PCDHA1: variants seen among roughly 807,000 people sequenced by gnomAD.
PCDHA1 encodes protocadherin alpha-1.
PCDHA1 carries 42 observed loss-of-function variants against 61.3 expected under a neutral mutation model. The observed-to-expected ratio is 0.69, with a 90% CI of 0.54 to 0.89. The LOEUF (loss-of-function observed/expected upper bound fraction) is 0.89. PCDHA1 is among the 40% of genes least tolerant of loss of function. PCDHA1 has a pLI of 0.00. For synonymous variants in PCDHA1, 610 were observed against 553.8 expected (o/e 1.10, Z -1.43); for missense variants, 1,256 against 1,235.3 (o/e 1.02, Z -0.25).
chr5:140,876,936 G>T, intron 1 of PCDHA1: 1 of 1,613,730 alleles, frequency 6.2e-7, no homozygotes, highest in South Asian at 1.1e-5. Flanking sequence ...AGAAGAACGC[G>T]CTGGTGTCCT....
chr5:140,876,560 C>T (rs2056422143), intron 1 of PCDHA1: 2 of 1,614,068 alleles, frequency 1.2e-6, no homozygotes, highest in African/African-American at 2.7e-5. Flanking sequence ...CAAGAGGATG[C>T]TCAGGTGGGT....
chr5:140,953,602 CCA>C (rs1246265860), intron 1 of PCDHA1, among the ~76,000 whole-genome samples: 3 of 152,040 alleles, frequency 2.0e-5, no homozygotes, highest in Admixed American at 6.6e-5. Context: ...TGTTTATTCC[CCA>C]GAGTCCTTAG....
chr5:140,805,698 GAATT>G (rs782460054), intron 1 of PCDHA1: 697 of 650,068 alleles, frequency 1.1e-3, no homozygotes, highest in Non-Finnish European at 1.3e-3. Context: ...TGATTACCAA[GAATT>G]AGAATAAAAA....
chr5:140,807,568 C>G lies in PCDHA1; in HGVS notation c.2394+18884C>G, dbSNP rs782590169. 6.8e-6 allele frequency: 11 copies of G among 1,614,056 alleles called. No homozygotes were observed. The African/African-American group carries it at 1.5e-4, about 22-fold the overall frequency. On this transcript the variant is annotated intron_variant, in intron 1 of 3. Coordinates refer to ENST00000504120, the MANE Select transcript of PCDHA1 (RefSeq NM_018900.4). Reference sequence around the variant, plus strand: ...TGGACGTGGAGGTGAGGGACATTAACGATAACCCGCCGGTGTTCCCAGCAA... The same window carrying G: ...TGGACGTGGAGGTGAGGGACATTAAGGATAACCCGCCGGTGTTCCCAGCAA...
intron 1 of PCDHA1, chr5:140,848,264 T>G (rs1156785908): frequency 4.1e-6 from 2 of 490,594 alleles, no homozygotes; most frequent in Non-Finnish European, 7.2e-6. Context: ...GAAATTTTTA[T>G]TCATGAAATA....
chr5:140,967,154 G>A, intron 1 of PCDHA1: 2 of 1,610,730 alleles, frequency 1.2e-6, no homozygotes, highest in Non-Finnish European at 1.7e-6. Flanking sequence ...CAACCCCGTG[G>A]CGGTGAGCGC....
chr5:140,850,888 A>T, intron 1 of PCDHA1: 1 of 1,581,398 alleles, frequency 6.3e-7, no homozygotes, highest in Non-Finnish European at 8.6e-7. Context: ...TCAACTGGGA[A>T]GGTGGGTTTT....
chr5:140,852,798 T>A, intron 1 of PCDHA1: 1 of 976,860 alleles, frequency 1.0e-6, no homozygotes, highest in Non-Finnish European at 1.2e-6. Context: ...GCTACAGATG[T>A]CATTTGTCTC....
intron 1 of PCDHA1, chr5:140,967,400 C>T: frequency 6.2e-7 from 1 of 1,611,718 alleles, no homozygotes; most frequent in South Asian, 1.1e-5. Context: ...GCTGGTGCTG[C>T]GTAAGGGCCT....
intron 1 of PCDHA1, among the ~76,000 whole-genome samples, chr5:140,793,079 T>C (rs1761747390): frequency 6.6e-6 from 1 of 152,232 alleles, no homozygotes; most frequent in South Asian, 2.1e-4. Context: ...AACTGGGCTG[T>C]AGGAAGTAAT....
intron 1 of PCDHA1, among the ~76,000 whole-genome samples, chr5:140,955,906 G>T (rs1044355938): frequency 2.0e-5 from 3 of 152,040 alleles, no homozygotes; most frequent in East Asian, 3.9e-4. Flanking sequence ...TCTCTTTGTA[G>T]CAATTGTGAA....
At chr5:140,872,977 GC>G (rs1326111410) in intron 1 of PCDHA1, among the ~76,000 whole-genome samples, 3 of 152,086 alleles carry the variant, frequency 2.0e-5, no homozygotes, top group African/African-American at 7.2e-5. Context: ...GAAGATTTGA[GC>G]AAAGATCATT....
At chr5:140,949,663 T>C (rs1038571728) in intron 1 of PCDHA1, among the ~76,000 whole-genome samples, 2 of 151,872 alleles carry the variant, frequency 1.3e-5, no homozygotes, top group Non-Finnish European at 3.0e-5. Flanking sequence ...TTTGTTTCTT[T>C]AAAGTATGCC....
chr5:140,797,506 A>C, intron 1 of PCDHA1: 2 of 887,356 alleles, frequency 2.3e-6, no homozygotes, highest in Non-Finnish European at 3.5e-6. Flanking sequence ...AATTTATTGC[A>C]TTTACTGAAC....
intron 1 of PCDHA1, chr5:140,828,314 C>T: frequency 6.2e-7 from 1 of 1,614,208 alleles, no homozygotes; most frequent in South Asian, 1.1e-5. Flanking sequence ...CGAGGACCTT[C>T]TGGAGGTAAA....
intron 3 of PCDHA1, among the ~76,000 whole-genome samples, chr5:141,007,395 CAAA>C (rs35800918): frequency 0.057 from 5,421 of 94,854 alleles, 127 homozygotes; most frequent in South Asian, 0.13. Context: ...TACTAAAATA[CAAA>C]AAAAAAAAAA....
At chr5:140,791,900 C>T (rs781985329) in intron 1 of PCDHA1, among the ~76,000 whole-genome samples, 15 of 151,804 alleles carry the variant, frequency 9.9e-5, no homozygotes, top group Admixed American at 5.9e-4. Flanking sequence ...GACATGTAAA[C>T]GTTAAGGGAT....
intron 1 of PCDHA1, chr5:140,801,808 A>G (rs375139618): frequency 1.2e-6 from 2 of 1,614,006 alleles, no homozygotes; most frequent in Non-Finnish European, 1.7e-6. Flanking sequence ...AATCGAGAGG[A>G]CACTCCTAAG....
intron 1 of PCDHA1, among the ~76,000 whole-genome samples, chr5:140,845,454 C>T: frequency 6.7e-6 from 1 of 149,512 alleles, no homozygotes; most frequent in East Asian, 1.9e-4. Context: ...TTCTTCAACT[C>T]TCTGATATTT....
Sources: gnomAD v4.1 joint callset for allele counts (sites outside exome capture counted in the v4.1 genomes callset) on GRCh38, gnomAD v4.1.1 for gene constraint, MANE v1.5 for transcripts, NCBI Gene and HGNC (gene_info 2026-07-23, HGNC 2026-07-21) for gene names.